Variants in ENOX1 observed in about 807,000 individuals in gnomAD.
The protein encoded by ENOX1 is candidate growth-related and time keeping constitutive hydroquinone (NADH) oxidase.
A neutral mutation model predicts 82.5 loss-of-function variants in ENOX1; 42 were observed. That is an observed-to-expected ratio of 0.51 (90% CI 0.40 to 0.66). The LOEUF is 0.66. Among genes scored for constraint, ENOX1 ranks in the 30% least tolerant of loss-of-function variants. The probability of loss-of-function intolerance (pLI) is 0.00; values close to 1 mark genes in which losing one functional copy is unlikely to be tolerated. For missense variants in ENOX1, 608 were observed against 811.6 expected, an observed-to-expected ratio of 0.75 and a Z score of 3.05; for synonymous variants, 271 against 282.2, an observed-to-expected ratio of 0.96 and a Z score of 0.40.
At chr13:43,219,109 G>A (rs537086690) in intron 16 of ENOX1, among the ~76,000 whole-genome samples, 1 of 152,282 alleles carries the variant, frequency 6.6e-6, no homozygotes, top group South Asian at 2.1e-4. Context: ...AATCACTTCT[G>A]AGACCAGGGA....
chr13:43,707,788 T>C (rs2087416191), intron 1 of ENOX1, among the ~76,000 whole-genome samples: 1 of 147,478 alleles, frequency 6.8e-6, no homozygotes, highest in Non-Finnish European at 1.5e-5. Flanking sequence ...TTACAGGACC[T>C]GATTCCAAAA....
intron 11 of ENOX1, among the ~76,000 whole-genome samples, chr13:43,306,774 C>A (rs1278037047): frequency 6.6e-6 from 1 of 152,158 alleles, no homozygotes; most frequent in Non-Finnish European, 1.5e-5. Flanking sequence ...CATCAAGAAA[C>A]TTTCCCCTTA....
At chr13:43,760,447 G>A (rs1950899980) in intron 1 of ENOX1, among the ~76,000 whole-genome samples, 1 of 152,102 alleles carries the variant, frequency 6.6e-6, no homozygotes, top group South Asian at 2.1e-4. Flanking sequence ...AACTCCCACT[G>A]CATGCTGTCC....
chr13:43,559,210 G>A (rs1410189048), intron 2 of ENOX1, among the ~76,000 whole-genome samples: 2 of 152,174 alleles, frequency 1.3e-5, no homozygotes, highest in African/African-American at 4.8e-5. Flanking sequence ...CAGCCCTATG[G>A]CCTGCTGAAT....
intron 2 of ENOX1, among the ~76,000 whole-genome samples, chr13:43,584,403 T>C (rs759859733): frequency 2.0e-5 from 3 of 152,238 alleles, no homozygotes; most frequent in South Asian, 2.1e-4. Flanking sequence ...GTGAGAGTCA[T>C]AATGTCGAGT....
chr13:43,573,146 AT>A (rs2080258805), intron 2 of ENOX1, among the ~76,000 whole-genome samples: 2 of 152,216 alleles, frequency 1.3e-5, no homozygotes, highest in Non-Finnish European at 1.5e-5. Flanking sequence ...CACATAAAGC[AT>A]GGAGAACTAA....
intron 1 of ENOX1, among the ~76,000 whole-genome samples, chr13:43,739,140 C>T (rs184115949): frequency 1.8e-4 from 28 of 152,286 alleles, no homozygotes; most frequent in African/African-American, 6.0e-4. Context: ...GTCATTTCTT[C>T]AACAAATATC....
At chr13:43,605,395 T>TCTGA (rs1367599281) in intron 2 of ENOX1, among the ~76,000 whole-genome samples, 1 of 152,102 alleles carries the variant, frequency 6.6e-6, no homozygotes, top group Non-Finnish European at 1.5e-5. Flanking sequence ...AATCACATTA[T>TCTGA]CTGACTTCAA....
intron 1 of ENOX1, among the ~76,000 whole-genome samples, chr13:43,761,089 C>T (rs1405971964): frequency 6.6e-6 from 1 of 151,760 alleles, no homozygotes; most frequent in African/African-American, 2.4e-5. Flanking sequence ...AGTGAGCTGC[C>T]CAAAGTCACA....
chr13:43,380,690 G>A (rs949078485), intron 5 of ENOX1, among the ~76,000 whole-genome samples: 9 of 151,322 alleles, frequency 5.9e-5, no homozygotes, highest in Admixed American at 5.3e-4. Flanking sequence ...TCATAAATAA[G>A]TTAAAAATAA....
At chr13:43,264,948 A>C (rs182591656) in intron 14 of ENOX1, among the ~76,000 whole-genome samples, 21 of 152,352 alleles carry the variant, frequency 1.4e-4, no homozygotes, top group Admixed American at 1.3e-3. Flanking sequence ...ACAGAGAAGG[A>C]GTACATTTCA....
intron 14 of ENOX1, among the ~76,000 whole-genome samples, chr13:43,250,245 C>T (rs1193360618): frequency 1.3e-5 from 2 of 152,196 alleles, no homozygotes; most frequent in Non-Finnish European, 2.9e-5. Context: ...TGAATGATCT[C>T]TCCGGAAACT....
At chr13:43,736,577 T>G (rs2089643313) in intron 1 of ENOX1, among the ~76,000 whole-genome samples, 1 of 152,142 alleles carries the variant, frequency 6.6e-6, no homozygotes, top group Non-Finnish European at 1.5e-5. Context: ...GGACAAACTG[T>G]GAAGTGGCAT....
intron 1 of ENOX1, among the ~76,000 whole-genome samples, chr13:43,760,253 T>C (rs1242592623): frequency 1.3e-5 from 2 of 152,266 alleles, no homozygotes; most frequent in African/African-American, 4.8e-5. Flanking sequence ...ACTAAAGGTT[T>C]ATTTAACATT....
chr13:43,496,227 C>A (rs2076787476), intron 2 of ENOX1, among the ~76,000 whole-genome samples: 1 of 143,876 alleles, frequency 7.0e-6, no homozygotes, highest in Admixed American at 6.9e-5. Flanking sequence ...AAATAGTTAT[C>A]ATCTTTTGAC....
At chr13:43,568,741 G>A (rs993879615) in intron 2 of ENOX1, among the ~76,000 whole-genome samples, 3 of 146,434 alleles carry the variant, frequency 2.0e-5, no homozygotes, top group Non-Finnish European at 3.0e-5. Context: ...CTAATTTGTT[G>A]ATTTGGGTCT....
intron 1 of ENOX1, among the ~76,000 whole-genome samples, chr13:43,716,788 CAA>C (rs33980324): frequency 0.026 from 3,874 of 147,888 alleles, 60 homozygotes; most frequent in African/African-American, 0.048. Flanking sequence ...ACAATACCCA[CAA>C]AAAAAAAAAA....
intron 1 of ENOX1, among the ~76,000 whole-genome samples, chr13:43,770,168 C>T (rs1486171282): frequency 6.6e-6 from 1 of 152,198 alleles, no homozygotes; most frequent in Non-Finnish European, 1.5e-5. Flanking sequence ...ATTTCCGCTT[C>T]TTCTTTAACA....
chr13:43,544,223 A>G, intron 2 of ENOX1: 1 of 152,126 alleles, frequency 6.6e-6, no homozygotes, highest in Non-Finnish European at 1.5e-5. Flanking sequence ...GTGAATCAGA[A>G]TCACTTTCTT....
Sources: allele counts gnomAD v4.1 joint callset (sites outside exome capture counted in the v4.1 genomes callset), GRCh38; gene constraint gnomAD v4.1.1; transcripts MANE v1.5; gene names NCBI Gene and HGNC (gene_info 2026-07-23, HGNC 2026-07-21).